TCF20: variants seen among roughly 807,000 people sequenced by gnomAD.
TCF20 encodes the protein transcription factor 20, also known as SPRE-binding protein.
TCF20 carries 3 observed loss-of-function variants against 148.6 expected under a neutral mutation model. The ratio of observed to expected loss-of-function variants is 0.02; its 90% CI spans 0.01 to 0.05. The LOEUF (loss-of-function observed/expected upper bound fraction) is 0.05, where lower values mean the gene tolerates loss of function less well. TCF20 is among the 10% of genes least tolerant of loss of function. The probability of loss-of-function intolerance (pLI) is 1.00; values close to 1 mark genes in which losing one functional copy is unlikely to be tolerated. For synonymous variants in TCF20, 1,049 were observed against 909.5 expected (o/e 1.15, Z -2.76); for missense variants, 2,350 against 2,429.3 (o/e 0.97, Z 0.69).
chr22:42,324,717 G>T (rs568150450), intron 1 of TCF20, among the ~76,000 whole-genome samples: 2 of 152,094 alleles, frequency 1.3e-5, no homozygotes, highest in African/African-American at 4.8e-5. Context: ...CACCATCTGA[G>T]AAAATAATCT....
intron 2 of TCF20, among the ~76,000 whole-genome samples, chr22:42,208,309 A>G (rs1938527182): frequency 6.6e-6 from 1 of 151,772 alleles, no homozygotes; most frequent in African/African-American, 2.4e-5. Flanking sequence ...AAATATCAAG[A>G]AAAAAAATAA....
intron 2 of TCF20, among the ~76,000 whole-genome samples, chr22:42,191,267 C>CT (rs1569123383): frequency 1.3e-5 from 2 of 152,084 alleles, no homozygotes; most frequent in African/African-American, 4.8e-5. Context: ...CCAAACTTGC[C>CT]TTTTTTTCTG....
intron 2 of TCF20, among the ~76,000 whole-genome samples, chr22:42,195,447 C>T (rs183465291): frequency 5.1e-4 from 77 of 151,788 alleles, no homozygotes; most frequent in African/African-American, 1.7e-3. Flanking sequence ...AATTTTTATA[C>T]GTAGATTAAA....
intron 1 of TCF20, among the ~76,000 whole-genome samples, chr22:42,245,512 T>A (rs1318401748): frequency 6.6e-6 from 1 of 152,198 alleles, no homozygotes; most frequent in Non-Finnish European, 1.5e-5. Flanking sequence ...ACTTCTCCCT[T>A]AAGAACTGAG....
At chr22:42,224,833 G>C (rs1012886108) in intron 1 of TCF20, among the ~76,000 whole-genome samples, 6 of 152,056 alleles carry the variant, frequency 3.9e-5, no homozygotes, top group Non-Finnish European at 8.8e-5. Flanking sequence ...TTATACCTGT[G>C]CTATGATTAT....
intron 2 of TCF20, among the ~76,000 whole-genome samples, chr22:42,207,559 TA>T (rs1387612202): frequency 1.3e-5 from 2 of 152,212 alleles, no homozygotes; most frequent in Admixed American, 1.3e-4. Context: ...CTCAAGCCTG[TA>T]ATCCCAGCAC....
intron 1 of TCF20, among the ~76,000 whole-genome samples, chr22:42,304,344 G>A (rs2147036212): frequency 6.6e-6 from 1 of 152,342 alleles, no homozygotes; most frequent in East Asian, 1.9e-4. Flanking sequence ...ACAGGGTGGT[G>A]AGCACAGGGA....
At chr22:42,206,458 G>A (rs1477001843) in intron 2 of TCF20, among the ~76,000 whole-genome samples, 1 of 152,170 alleles carries the variant, frequency 6.6e-6, no homozygotes, top group Non-Finnish European at 1.5e-5. Context: ...TCCAAGGAAA[G>A]TTGGGAAGCA....
chr22:42,281,015 G>T (rs368241825), intron 1 of TCF20, among the ~76,000 whole-genome samples: 1 of 152,066 alleles, frequency 6.6e-6, no homozygotes, highest in African/African-American at 2.4e-5. Context: ...TGCCATCTCC[G>T]TTGGGGATAG....
At chr22:42,341,083 G>C (rs1287938472) in intron 1 of TCF20, among the ~76,000 whole-genome samples, 3 of 152,152 alleles carry the variant, frequency 2.0e-5, no homozygotes, top group Non-Finnish European at 4.4e-5. Flanking sequence ...AGCAGAGGCC[G>C]GAGGGACGGC....
chr22:42,198,506 A>G (rs924894300), intron 2 of TCF20, among the ~76,000 whole-genome samples: 1 of 152,240 alleles, frequency 6.6e-6, no homozygotes. Flanking sequence ...ATATAAGCTA[A>G]GCACATCCTC....
chr22:42,235,141 CAAA>C (rs34834610), intron 1 of TCF20, among the ~76,000 whole-genome samples: 3 of 109,212 alleles, frequency 2.7e-5, no homozygotes, highest in Admixed American at 1.8e-4. Flanking sequence ...GACTCTGTCT[CAAA>C]AAAAAAAAAA....
intron 2 of TCF20, among the ~76,000 whole-genome samples, chr22:42,193,781 CTGGA>C (rs1937461187): frequency 6.6e-6 from 1 of 152,132 alleles, no homozygotes; most frequent in African/African-American, 2.4e-5. Flanking sequence ...CTACAGATGT[CTGGA>C]TGAAGGATAA....
intron 1 of TCF20, among the ~76,000 whole-genome samples, chr22:42,327,207 G>A (rs1320216991): frequency 1.3e-5 from 2 of 152,184 alleles, no homozygotes; most frequent in African/African-American, 2.4e-5. Context: ...ATATAGAGGG[G>A]CCACGGCAAT....
chr22:42,339,096 A>G (rs954802744), intron 1 of TCF20, among the ~76,000 whole-genome samples: 1 of 152,144 alleles, frequency 6.6e-6, no homozygotes, highest in Non-Finnish European at 1.5e-5. Flanking sequence ...AACCCCCTTA[A>G]CAGGTGCTCC....
chr22:42,179,490 CAAAAAAAAAAAAAAAAAA>C, intron 3 of TCF20, 101 bp downstream of exon 3: 1 of 369,016 alleles, frequency 2.7e-6, no homozygotes. Flanking sequence ...TATGAAGTGA[CAAAAAAAAAAAAAAAAAA>C]AAAGAAAAGA....
At chr22:42,171,377 G>A (rs1482301053) in intron 3 of TCF20, among the ~76,000 whole-genome samples, 3 of 152,204 alleles carry the variant, frequency 2.0e-5, no homozygotes, top group African/African-American at 7.2e-5. Context: ...GATTTCAAGT[G>A]CAATAGTAAT....
At chr22:42,172,524 T>C (rs1474789964) in intron 3 of TCF20, among the ~76,000 whole-genome samples, 1 of 152,160 alleles carries the variant, frequency 6.6e-6, no homozygotes, top group Admixed American at 6.5e-5. Context: ...ACCTACAAGG[T>C]GGCCTAGTCA....
intron 1 of TCF20, among the ~76,000 whole-genome samples, chr22:42,268,413 A>T (rs1204888312): frequency 6.6e-6 from 1 of 152,210 alleles, no homozygotes; most frequent in African/African-American, 2.4e-5. Context: ...GTAAGGAGAA[A>T]GTTGGGGATG....
Sources: allele counts gnomAD v4.1 joint callset (sites outside exome capture counted in the v4.1 genomes callset), GRCh38; gene constraint gnomAD v4.1.1; transcripts MANE v1.5; gene names NCBI Gene and HGNC (gene_info 2026-07-23, HGNC 2026-07-21).